Variants in DAB2IP observed in about 807,000 individuals in gnomAD.
The protein encoded by DAB2IP is disabled homolog 2-interacting protein.
A neutral mutation model predicts 107.2 loss-of-function variants in DAB2IP; 28 were observed. The ratio of observed to expected loss-of-function variants is 0.26; its 90% confidence interval spans 0.19 to 0.36. The LOEUF is 0.36. Among genes scored for constraint, DAB2IP ranks in the 10% least tolerant of loss-of-function variants. The pLI, the probability that DAB2IP is intolerant of heterozygous loss-of-function variation, is 1.00. For synonymous variants in DAB2IP, 755 were observed against 706.4 expected (o/e 1.07, Z -1.09); for missense variants, 1,400 against 1,644.7 (o/e 0.85, Z 2.57).
In DAB2IP at chr9:121,757,184, G is replaced by A; in HGVS notation, c.516+18G>A. 1 of 1,610,478 alleles carries A rather than the reference G, an allele frequency of 6.2e-7. No individual in the cohort carries two copies. ...GCTTCGAGGTGGGTCCCATCACAGG[G>A]GTTGGGGTGGACACCCCATCCTCTC... On this transcript the variant is annotated intron_variant, in intron 4 of 15. Transcript: ENST00000408936.
In DAB2IP at chr9:121,642,029, CT is replaced by C. The variant is rs1832356719; in HGVS notation, c.41-36648del. On this transcript the variant is annotated intron_variant, in intron 1 of 16. Coordinates refer to the DAB2IP transcript ENST00000259371. ...TCTCTCTCTCTCTCTCTCTCTCTCT[CT>C]CTTTCTTTCTTTCTTTCTTTCTTTC... 1.5e-4 allele frequency among the ~76,000 whole-genome samples: 4 copies of C among 26,720 alleles called. 1 individual carries two copies. Among genetic ancestry groups the C allele is most frequent in the African/African-American group, 5.3e-4 (4 of 7,490 alleles). 17.5% of individuals were successfully genotyped at this position (26,720 alleles called of 152,430 possible). A position where few individuals can be genotyped will look rare whatever the true frequency, so the allele number is the denominator to read the frequency against.
intron 1 of DAB2IP, among the ~76,000 whole-genome samples, chr9:121,582,221 C>T (rs944404310): frequency 3.3e-5 from 5 of 152,166 alleles, no homozygotes; most frequent in Admixed American, 2.6e-4. Context: ...CAAAACATCC[C>T]GGCTGGGGGA....
intron 4 of DAB2IP, among the ~76,000 whole-genome samples, chr9:121,757,993 T>C (rs1249246835): frequency 1.3e-5 from 2 of 152,244 alleles, no homozygotes; most frequent in African/African-American, 4.8e-5. Context: ...CCCCATACCC[T>C]GTGCCCACTG....
Position 121,776,280 on chromosome 9 carries a change from A to C in DAB2IP, c.3203A>C (p.Glu1068Ala). ...GAGACCCTGTTCAAGTGCCAGGAGG[A>C]GACGACGCAGAAGCTGGTGCTGGAG... Residue 1068 changes from glutamate to alanine, a missense_variant, in exon 14 of 16, where the codon GAG (glutamate) becomes GCG (alanine). By Grantham distance (107) the Glu-to-Ala change is moderately radical. Coordinates refer to ENST00000408936, the Ensembl canonical transcript of DAB2IP. This position sits in a 1 kb window ranked among gnomAD's most constrained non-coding sequence, Gnocchi z 5.4. The C allele has an allele frequency of 6.3e-7, 1 of 1,582,100 alleles. No homozygotes were observed. The highest frequency in any genetic ancestry group is 1.2e-5 in the South Asian group (1 of 86,166).
rs758611450 is a variant in DAB2IP, at chr9:121,776,248, G to A, written c.3171G>A (p.Glu1057=). The A allele has an allele frequency of 6.3e-7, 1 of 1,586,496 alleles. No homozygotes were observed. The highest frequency in any genetic ancestry group is 1.2e-5 in the South Asian group (1 of 86,432). The change falls in exon 14 of 16, where the codon GAG becomes GAA. Residue 1057 remains glutamate, a synonymous_variant. Transcript: ENST00000408936. This position sits in a 1 kb window ranked among gnomAD's most constrained non-coding sequence, Gnocchi z 5.4. ...TGCGAATCTCCACCAAGAAGCTGGA[G>A]GAGTATGAGACCCTGTTCAAGTGCC...
intron 3 of DAB2IP, chr9:121,751,878 G>A: frequency 6.2e-6 from 6 of 974,524 alleles, no homozygotes; most frequent in Non-Finnish European, 7.3e-6. Context: ...CGGAGTCCAG[G>A]GCAGGTCACC....
At chr9:121,622,500 A>T (rs200284268) in intron 1 of DAB2IP, among the ~76,000 whole-genome samples, 2 of 152,038 alleles carry the variant, frequency 1.3e-5, no homozygotes, top group East Asian at 1.9e-4. Flanking sequence ...ATTCCTTGTG[A>T]CTCACTGTCT....
intron 3 of DAB2IP, among the ~76,000 whole-genome samples, chr9:121,729,670 G>A (rs1831415374): frequency 6.6e-6 from 1 of 152,218 alleles, no homozygotes; most frequent in Non-Finnish European, 1.5e-5. Context: ...TTAAATCAGA[G>A]ATAGTATATG....
intron 1 of DAB2IP, among the ~76,000 whole-genome samples, chr9:121,653,683 T>A (rs368145013): frequency 1.1e-4 from 16 of 151,836 alleles, no homozygotes; most frequent in Admixed American, 5.9e-4. Context: ...CCTTTTCCTC[T>A]TCTCACCTCA....
chr9:121,772,737 C>CT lies in DAB2IP; in HGVS notation c.2211dup (p.Gln738SerfsTer115). On this transcript the variant is annotated frameshift_variant, in exon 12 of 16. Coordinates refer to ENST00000408936, the Ensembl canonical transcript of DAB2IP. LOFTEE classifies it high-confidence loss of function. This position sits in a 1 kb window ranked among gnomAD's most constrained non-coding sequence, Gnocchi z 4.7. ...TTACTCGGAAGCCAACGAGCCTGAT[C>CT]TTCAGATGGCCAACGGTGGCAAGAG... 1 of 1,614,040 alleles carries CT rather than the reference C, an allele frequency of 6.2e-7. No individual in the cohort carries two copies. The highest frequency in any genetic ancestry group is 8.5e-7 in the Non-Finnish European group (1 of 1,180,014).
intron 10 of DAB2IP, 60 bp downstream of exon 10, chr9:121,768,693 C>T: frequency 6.3e-7 from 1 of 1,596,844 alleles, no homozygotes; most frequent in South Asian, 1.1e-5. Flanking sequence ...TTTAGTGTTC[C>T]CCCTTCCAGA....
intron 1 of DAB2IP, among the ~76,000 whole-genome samples, chr9:121,636,100 GT>G (rs1297752869): frequency 6.6e-6 from 1 of 152,052 alleles, no homozygotes; most frequent in Non-Finnish European, 1.5e-5. Flanking sequence ...GTAGAGATGG[GT>G]TTTGCCATGT....
chr9:121,766,559 G>T (rs757804050), exon 9 of DAB2IP: 24 of 1,613,192 alleles, frequency 1.5e-5, no homozygotes, highest in Non-Finnish European at 1.8e-5. Context: ...AGTCGCGGCC[G>T]CCCGGACATC....
intron 1 of DAB2IP, among the ~76,000 whole-genome samples, chr9:121,676,841 A>G (rs1833936677): frequency 1.3e-5 from 2 of 152,114 alleles, no homozygotes; most frequent in Admixed American, 6.5e-5. Flanking sequence ...GTTGGGGGCC[A>G]CCTCTGGAGC....
chr9:121,708,747 G>A (rs192326007), intron 3 of DAB2IP, among the ~76,000 whole-genome samples: 2 of 152,308 alleles, frequency 1.3e-5, no homozygotes, highest in East Asian at 3.9e-4. Context: ...TTCAAGGTCC[G>A]CCAAGTCAAA....
intron 3 of DAB2IP, among the ~76,000 whole-genome samples, chr9:121,718,909 G>A (rs900553593): frequency 3.3e-5 from 5 of 152,102 alleles, no homozygotes; most frequent in Admixed American, 1.3e-4. Flanking sequence ...AGTCCTAGGC[G>A]GACTTCAAGG....
chr9:121,774,460 G>A (rs762605376), intron 13 of DAB2IP, 48 bp downstream of exon 13: 3 of 1,528,624 alleles, frequency 2.0e-6, no homozygotes, highest in East Asian at 4.8e-5. Context: ...CTGCCTCCCG[G>A]CAGCAGCTGG....
chr9:121,688,946 C>T (rs776706762), intron 2 of DAB2IP, among the ~76,000 whole-genome samples: 3 of 152,168 alleles, frequency 2.0e-5, no homozygotes, highest in Non-Finnish European at 2.9e-5. Flanking sequence ...CTTGGGAGGA[C>T]AGGTCAAGAC....
At chr9:121,642,029 C>CTCTCTCTCTCTCTCTTTCTG (rs1392950950) in intron 1 of DAB2IP, among the ~76,000 whole-genome samples, 1 of 26,720 alleles carries the variant, frequency 3.7e-5, no homozygotes, top group Admixed American at 4.5e-4. Context: ...CTCTCTCTCT[C>CTCTCTCTCTCTCTCTTTCTG]TCTTTCTTTC....
Sources: gnomAD v4.1 joint callset for allele counts (sites outside exome capture counted in the v4.1 genomes callset) on GRCh38, gnomAD v4.1.1 for gene constraint, Gnocchi (gnomAD v3.1) non-coding constraint, MANE v1.5 for transcripts, NCBI Gene and HGNC (gene_info 2026-07-23, HGNC 2026-07-21) for gene names.